SCRG1: variants seen among roughly 807,000 people sequenced by gnomAD.
SCRG1 encodes stimulator of chondrogenesis 1.
In SCRG1, 3 loss-of-function variants were observed where a neutral mutation model predicts 7.7. The ratio of observed to expected loss-of-function variants is 0.39; its 90% CI spans 0.18 to 1.01. The LOEUF (loss-of-function observed/expected upper bound fraction) is 1.01, where lower values mean the gene tolerates loss of function less well. SCRG1 is among the 50% of genes least tolerant of loss of function. The pLI is 0.36. For missense variants in SCRG1, 110 were observed against 117.2 expected, an observed-to-expected ratio of 0.94 and a Z score of 0.28; for synonymous variants, 46 against 41.2, an observed-to-expected ratio of 1.12 and a Z score of -0.44.
At chr4:173,443,552 A>G in the SCRG1 span, among the ~76,000 whole-genome samples, 206 of 152,334 alleles carry the variant, frequency 1.4e-3, no homozygotes, top group African/African-American at 4.5e-3. Flanking sequence ...GAGAATTTGT[A>G]TACTTTGAAA....
the SCRG1 span, among the ~76,000 whole-genome samples, chr4:173,484,141 A>G: frequency 5.8e-3 from 246 of 42,682 alleles, 1 homozygote; most frequent in African/African-American, 0.017. Flanking sequence ...TATATAATAT[A>G]GAATATAGAA....
At chr4:173,398,424 C>G (rs1739665550) in intron 1 of SCRG1, 1 of 152,176 alleles carries the variant, frequency 6.6e-6, no homozygotes, top group African/African-American at 2.4e-5. Context: ...TTTGGGAGAG[C>G]TTTTCATAGC....
Position 173,386,470 on chromosome 4 carries a change from A to G in SCRG1, c.*1871T>C, listed in dbSNP as rs1739251984. 1 of 152,054 alleles carries G rather than the reference A, an allele frequency of 6.6e-6. No individual in the cohort carries two copies. The highest frequency in any genetic ancestry group is 2.4e-5 in the African/African-American group (1 of 41,398). The allele number at this position is 152,054 out of a possible 1,614,324, so 9.4% of individuals were successfully genotyped here. On this transcript the variant is annotated 3_prime_UTR_variant, in exon 3 of 3. Transcript: ENST00000296506. ...GCCGTGTTTATATACACTTTAAGAC[A>G]CTGAATTGTGACTACCTCAAAATTG...
the SCRG1 span, among the ~76,000 whole-genome samples, chr4:173,421,420 G>GT: frequency 6.6e-6 from 1 of 151,764 alleles, no homozygotes; most frequent in Non-Finnish European, 1.5e-5. Context: ...GTTTGTTGGG[G>GT]GGGGGTTGAT....
the SCRG1 span, among the ~76,000 whole-genome samples, chr4:173,433,864 C>T: frequency 6.6e-6 from 1 of 152,208 alleles, no homozygotes; most frequent in Non-Finnish European, 1.5e-5. Flanking sequence ...GTGGCCCCAC[C>T]TCAAGACATG....
chr4:173,406,025 A>G (rs1046916597), intron 1 of SCRG1, among the ~76,000 whole-genome samples: 9 of 152,248 alleles, frequency 5.9e-5, no homozygotes, highest in African/African-American at 1.9e-4. Context: ...GTAAATACAC[A>G]TATCTATGAA....
At chr4:173,463,871 G>A in the SCRG1 span, among the ~76,000 whole-genome samples, 10 of 152,182 alleles carry the variant, frequency 6.6e-5, no homozygotes, top group East Asian at 1.2e-3. Flanking sequence ...TGGGGCTGGC[G>A]TTCTATCCAG....
At chr4:173,495,634 T>C in the SCRG1 span, among the ~76,000 whole-genome samples, 10 of 152,352 alleles carry the variant, frequency 6.6e-5, no homozygotes, top group African/African-American at 2.2e-4. Flanking sequence ...TTAGGAGGCA[T>C]TGCTAATCCC....
the SCRG1 span, among the ~76,000 whole-genome samples, chr4:173,484,745 A>ATATTATATGCATATAATACATATTATC: frequency 2.2e-5 from 2 of 90,328 alleles, no homozygotes; most frequent in Non-Finnish European, 3.8e-5. Flanking sequence ...TACATATTAT[A>ATATTATATGCATATAATACATATTATC]TATTATATAC....
At chr4:173,491,401 T>C in the SCRG1 span, among the ~76,000 whole-genome samples, 1 of 152,046 alleles carries the variant, frequency 6.6e-6, no homozygotes, top group Non-Finnish European at 1.5e-5. Flanking sequence ...CACTGCTGAG[T>C]GCCAGTCATA....
the SCRG1 span, among the ~76,000 whole-genome samples, chr4:173,443,645 T>C: frequency 1.3e-5 from 2 of 152,202 alleles, no homozygotes; most frequent in Non-Finnish European, 2.9e-5. Flanking sequence ...TTGTCCAGGC[T>C]GGTCTTGAAC....
chr4:173,494,033 A>T, the SCRG1 span, among the ~76,000 whole-genome samples: 1 of 152,162 alleles, frequency 6.6e-6, no homozygotes, highest in African/African-American at 2.4e-5. Context: ...ATAGATTCCT[A>T]CCCTCAGCTG....
chr4:173,417,143 G>A, the SCRG1 span, among the ~76,000 whole-genome samples: 1 of 146,886 alleles, frequency 6.8e-6, no homozygotes, highest in Non-Finnish European at 1.5e-5. Context: ...GACACACACA[G>A]ACAGACAGAC....
chr4:173,474,614 C>T, the SCRG1 span, among the ~76,000 whole-genome samples: 2 of 152,178 alleles, frequency 1.3e-5, no homozygotes, highest in Non-Finnish European at 2.9e-5. Flanking sequence ...AACCATTTAA[C>T]TGAACTTCAC....
the SCRG1 span, among the ~76,000 whole-genome samples, chr4:173,450,662 G>A: frequency 3.2e-4 from 48 of 152,310 alleles, no homozygotes; most frequent in Middle Eastern, 6.8e-3. Flanking sequence ...CCTGCAGGAG[G>A]AACTGCAGAT....
chr4:173,429,208 T>C, the SCRG1 span, among the ~76,000 whole-genome samples: 4 of 152,214 alleles, frequency 2.6e-5, no homozygotes, highest in African/African-American at 9.6e-5. Flanking sequence ...TGTTCCATTC[T>C]TTTTATTTTT....
rs533259239 is a variant in SCRG1, at chr4:173,387,381, G to A, written c.*960C>T. On this transcript the variant is annotated 3_prime_UTR_variant, in exon 3 of 3. Transcript: ENST00000296506. ...TTTGTTTGAGACAGAGTCTCACTCT[G>A]TGGTTCCATGGTGGAGTTCAGTGGC... The A allele has an allele frequency of 2.0e-5, 3 of 152,354 alleles. No homozygotes were observed. The South Asian group carries it at 6.2e-4, about 32-fold the overall frequency. The allele number at this position is 152,354 out of a possible 1,614,324, so 9.4% of individuals were successfully genotyped here.
chr4:173,512,424 A>G, the SCRG1 span, among the ~76,000 whole-genome samples: 685 of 152,358 alleles, frequency 4.5e-3, 3 homozygotes, highest in Non-Finnish European at 7.3e-3. Flanking sequence ...AAGGTGAAAG[A>G]AGAGAAATTT....
At chr4:173,395,238 C>A (rs745872520) in intron 1 of SCRG1, among the ~76,000 whole-genome samples, 1 of 152,184 alleles carries the variant, frequency 6.6e-6, no homozygotes, top group African/African-American at 2.4e-5. Flanking sequence ...CTGTCATTCT[C>A]ATTAGACCGA....
Sources: gnomAD v4.1 joint callset for allele counts (sites outside exome capture counted in the v4.1 genomes callset) on GRCh38, gnomAD v4.1.1 for gene constraint, MANE v1.5 for transcripts, NCBI Gene and HGNC (gene_info 2026-07-23, HGNC 2026-07-21) for gene names.